PDGFRA: variants seen among roughly 807,000 people sequenced by gnomAD.
PDGFRA encodes the protein platelet-derived growth factor receptor alpha.
A neutral mutation model predicts 121.5 loss-of-function variants in PDGFRA; 25 were observed. The observed-to-expected ratio is 0.21, with a 90% CI of 0.15 to 0.29. The LOEUF is 0.29. Among genes scored for constraint, PDGFRA ranks in the 10% least tolerant of loss-of-function variants. PDGFRA has a pLI of 1.00. For missense variants in PDGFRA, 1,008 were observed against 1,345.1 expected (o/e 0.75, Z 3.92); for synonymous variants, 463 against 494.8 (o/e 0.94, Z 0.85).
intron 9 of PDGFRA, 31 bp downstream of exon 9, chr4:54,272,551 G>T: frequency 6.2e-7 from 1 of 1,608,048 alleles, no homozygotes; most frequent in Non-Finnish European, 8.5e-7. Flanking sequence ...TTCTTCTTTC[G>T]TGGTCAGAAT....
At chr4:54,277,129 C>G in intron 12 of PDGFRA, 1 of 510,894 alleles carries the variant, frequency 2.0e-6, no homozygotes, top group South Asian at 2.0e-5. Flanking sequence ...GCGCTCACAC[C>G]AGGGAGGGCT....
chr4:54,262,527 A>G (rs1458883326), intron 3 of PDGFRA, among the ~76,000 whole-genome samples: 1 of 152,218 alleles, frequency 6.6e-6, no homozygotes, highest in Non-Finnish European at 1.5e-5. Context: ...GTTTTGGCAT[A>G]GGTGTGTCTT....
intron 22 of PDGFRA, among the ~76,000 whole-genome samples, chr4:54,292,299 A>T (rs1346596596): frequency 1.3e-5 from 2 of 152,268 alleles, no homozygotes; most frequent in Non-Finnish European, 2.9e-5. Context: ...CTGGATAAAG[A>T]AAATGTGATA....
chr4:54,295,311 C>T lies in PDGFRA; in HGVS notation c.*39C>T, dbSNP rs55681376. On this transcript the variant is annotated 3_prime_UTR_variant, in exon 23 of 23. Transcript: ENST00000257290. ...GGGGTTCCTTCCACTTCTGGGGCCA[C>T]CTCTGGATCCCGTTCAGAAAACCAC... 7.8e-4 allele frequency: 1,255 copies of T among 1,608,424 alleles called. 4 individuals are homozygous for T. The highest frequency in any genetic ancestry group is 1.0e-3 in the Non-Finnish European group (1,188 of 1,175,264).
At chr4:54,261,437 C>G in intron 3 of PDGFRA, 25 bp downstream of exon 3, 1 of 1,513,974 alleles carries the variant, frequency 6.6e-7, no homozygotes, top group Non-Finnish European at 9.2e-7. Context: ...TCTCCAGGAC[C>G]AAGCTTCTTC....
Position 54,261,365 on chromosome 4 carries a change from C to T in PDGFRA, c.320C>T (p.Thr107Ile), listed in dbSNP as rs1722705047. ...ACTTGCTATTACAACCACACTCAGA[C>T]AGAAGAGAATGAGCTTGAAGGCAGG... Reference protein sequence around the residue: ...LYTCYYNHTQTEENELEGRHI... With the variant: ...LYTCYYNHTQIEENELEGRHI... The change falls in exon 3 of 23, where the codon ACA becomes ATA. Residue 107 changes from threonine to isoleucine, a missense_variant. Thr to Ile is a moderately conservative substitution (Grantham distance 89). Coordinates refer to ENST00000257290, the MANE Select transcript of PDGFRA (RefSeq NM_006206.6). The T allele has an allele frequency of 6.2e-7, 1 of 1,614,150 alleles. No individual in the cohort carries two copies. Among genetic ancestry groups the T allele is most frequent in the Non-Finnish European group, 8.5e-7 (1 of 1,180,008 alleles).
intron 1 of PDGFRA, among the ~76,000 whole-genome samples, chr4:54,252,751 A>G (rs551172449): frequency 1.3e-5 from 2 of 152,110 alleles, no homozygotes; most frequent in East Asian, 3.9e-4. Context: ...GTGAAATTCA[A>G]TATTCAGTGG....
chr4:54,293,855 C>T (rs866078016), intron 22 of PDGFRA, among the ~76,000 whole-genome samples: 2 of 150,612 alleles, frequency 1.3e-5, no homozygotes, highest in South Asian at 2.1e-4. Flanking sequence ...GGCCCTTGGA[C>T]AGAGGTAGGA....
intron 1 of PDGFRA, among the ~76,000 whole-genome samples, chr4:54,258,160 CT>C (rs1288991725): frequency 6.6e-6 from 1 of 152,122 alleles, no homozygotes; most frequent in African/African-American, 2.4e-5. Flanking sequence ...CTTGTACCTG[CT>C]TTTCCATGCC....
intron 1 of PDGFRA, among the ~76,000 whole-genome samples, chr4:54,244,627 G>A (rs1454523904): frequency 1.3e-5 from 2 of 152,200 alleles, no homozygotes; most frequent in Non-Finnish European, 2.9e-5. Flanking sequence ...AAAAAACAGA[G>A]CAGAAAAACT....
At chr4:54,258,953 T>C in intron 2 of PDGFRA, 136 bp downstream of exon 2, 1 of 766,088 alleles carries the variant, frequency 1.3e-6, no homozygotes, top group Admixed American at 2.2e-5. Flanking sequence ...TATAGGACGT[T>C]ATCCAGAATG....
chr4:54,281,888 A>G (rs1724096880), intron 16 of PDGFRA: 1 of 1,158,394 alleles, frequency 8.6e-7, no homozygotes, highest in South Asian at 2.5e-5. Context: ...ATGCTATCAC[A>G]TGTGATTGGT....
intron 21 of PDGFRA, among the ~76,000 whole-genome samples, chr4:54,290,058 G>A (rs1724547652): frequency 6.6e-6 from 1 of 152,228 alleles, no homozygotes; most frequent in Non-Finnish European, 1.5e-5. Context: ...ATTCTCAGTT[G>A]TAGCTACTGA....
chr4:54,289,937 T>C (rs1724541785), intron 21 of PDGFRA, among the ~76,000 whole-genome samples: 1 of 152,186 alleles, frequency 6.6e-6, no homozygotes, highest in Non-Finnish European at 1.5e-5. Context: ...ACCTCTCCAA[T>C]GTTTAAGGAT....
In PDGFRA at chr4:54,298,145, C is replaced by T. The variant is rs147418921; in HGVS notation, c.*2873C>T. 7.0e-4 allele frequency: 150 copies of T among 215,294 alleles called. No individual in the cohort carries two copies. The highest frequency in any genetic ancestry group is 3.0e-3 in the African/African-American group (135 of 44,406). 13.3% of individuals were successfully genotyped at this position (215,294 alleles called of 1,614,324 possible). A position where few individuals can be genotyped will look rare whatever the true frequency, so the allele number is the denominator to read the frequency against. ...GAAAAACTAACTTGATAGGGTCTAC[C>T]AATACAAAATGTATTACGAATGCCC... On this transcript the variant is annotated 3_prime_UTR_variant, in exon 23 of 23. Coordinates refer to ENST00000257290, the MANE Select transcript of PDGFRA (RefSeq NM_006206.6).
chr4:54,283,100 T>C (rs1724154431), intron 16 of PDGFRA, among the ~76,000 whole-genome samples: 1 of 152,162 alleles, frequency 6.6e-6, no homozygotes, highest in African/African-American at 2.4e-5. Flanking sequence ...TGCAGGCTGT[T>C]GGTGGATATA....
intron 11 of PDGFRA, 55 bp from the exon 12 acceptor site, chr4:54,274,786 T>C (rs2110298634): frequency 6.2e-7 from 1 of 1,600,404 alleles, no homozygotes. Context: ...TCAGTGAAGC[T>C]CTGGTGCACT....
intron 16 of PDGFRA, chr4:54,280,760 T>C (rs58025349): frequency 4.8e-6 from 1 of 208,192 alleles, no homozygotes; most frequent in Non-Finnish European, 9.7e-6. Context: ...AAACATTTTT[T>C]AAAAAAAATA....
chr4:54,237,081 G>A (rs1476928107), intron 1 of PDGFRA, among the ~76,000 whole-genome samples: 1 of 151,998 alleles, frequency 6.6e-6, no homozygotes, highest in Non-Finnish European at 1.5e-5. Flanking sequence ...CCATTCTCCT[G>A]CCTCAGCCTC....
Sources: allele counts gnomAD v4.1 joint callset (sites outside exome capture counted in the v4.1 genomes callset), GRCh38; gene constraint gnomAD v4.1.1; transcripts MANE v1.5; gene names NCBI Gene and HGNC (gene_info 2026-07-23, HGNC 2026-07-21).